Variants in ADGRG4 observed in about 807,000 individuals in gnomAD.
The protein encoded by ADGRG4 is G protein-coupled receptor 112.
In ADGRG4, 122 loss-of-function variants were observed where a neutral mutation model predicts 126.2. The observed-to-expected ratio is 0.97, with a 90% CI of 0.83 to 1.12. The LOEUF (loss-of-function observed/expected upper bound fraction) is 1.12, where lower values mean the gene tolerates loss of function less well. Ranked by LOEUF, ADGRG4 falls within the 50% of genes most tolerant of loss-of-function variation. The pLI is 0.00. For missense variants in ADGRG4, 2,481 were observed against 2,251.8 expected, an observed-to-expected ratio of 1.10 and a Z score of -2.06; for synonymous variants, 943 against 838.7, an observed-to-expected ratio of 1.12 and a Z score of -2.15.
Position 136,393,598 on chromosome X carries a change from C to T in ADGRG4, c.8080+18C>T, listed in dbSNP as rs2075331212. The stretch of plus-strand genomic sequence containing the variant: ...GAATAATAGTAAGTATTTTTGTTAG[C>T]AACTTTGACTTTGCCCCAGACCATT... On this transcript the variant is annotated intron_variant, in intron 18 of 25. Coordinates refer to ENST00000394143, the MANE Select transcript of ADGRG4 (RefSeq NM_153834.4). 8.6e-7 allele frequency: 1 copy of T among 1,166,696 alleles called. No homozygotes were observed. The highest frequency in any genetic ancestry group is 1.2e-6 in the Non-Finnish European group (1 of 857,954).
chrX:136,377,771 T>C (rs1261347622), intron 15 of ADGRG4, among the ~76,000 whole-genome samples: 1 of 111,262 alleles, frequency 9.0e-6, no homozygotes, highest in East Asian at 2.8e-4. Context: ...CCCCATTGGC[T>C]TGCTTTGGTA....
chrX:136,342,489 G>A (rs1040840212), intron 5 of ADGRG4, among the ~76,000 whole-genome samples: 4 of 111,430 alleles, frequency 3.6e-5, no homozygotes, highest in African/African-American at 9.8e-5. Context: ...CAATTATGAC[G>A]CATTAAATGA....
chrX:136,316,529 G>A (rs761499723), intron 4 of ADGRG4, among the ~76,000 whole-genome samples: 87 of 111,801 alleles, frequency 7.8e-4, no homozygotes, highest in Middle Eastern at 4.6e-3. Flanking sequence ...GTACAGTGGC[G>A]TGATCTTGGC....
At chrX:136,380,609 CT>C (rs1569332993) in intron 15 of ADGRG4, among the ~76,000 whole-genome samples, 55 of 62,086 alleles carry the variant, frequency 8.9e-4, no homozygotes, top group Admixed American at 2.9e-3. Flanking sequence ...TCCTCCTCTT[CT>C]TCTTCTTCTT....
intron 15 of ADGRG4, among the ~76,000 whole-genome samples, chrX:136,375,745 C>G (rs2075221705): frequency 9.0e-6 from 1 of 111,680 alleles, no homozygotes; most frequent in South Asian, 3.7e-4. Flanking sequence ...TTGATTTTTT[C>G]TTGCTGATTT....
At chrX:136,331,615 T>C (rs779119898) in intron 5 of ADGRG4, among the ~76,000 whole-genome samples, 1 of 111,769 alleles carries the variant, frequency 8.9e-6, no homozygotes, top group Admixed American at 9.5e-5. Flanking sequence ...TAGTCATTCT[T>C]GTAAATTTGT....
In ADGRG4 at chrX:136,344,745, T is replaced by C. The variant is rs1307635306; in HGVS notation, c.1039T>C (p.Ser347Pro). 8.3e-7 allele frequency: 1 copy of C among 1,208,447 alleles called. No individual in the cohort carries two copies. Among genetic ancestry groups the C allele is most frequent in the African/African-American group, 1.8e-5 (1 of 57,124 alleles). Residue 347 changes from serine (S) to proline (P), a missense_variant, in exon 6 of 26, where the codon TCT (serine) becomes CCT (proline). Physicochemically the swap from Ser to Pro is moderately conservative, Grantham distance 74. Transcript: ENST00000394143. ...TNSMKKTKSPSSESTKTTKMV... is the reference protein window; with the variant it reads ...TNSMKKTKSPPSESTKTTKMV... Reference sequence around the variant, plus strand: ...TTCCATGAAAAAAACGAAATCTCCATCTTCAGAAAGCACAAAGACAACAAA... The same window carrying C: ...TTCCATGAAAAAAACGAAATCTCCACCTTCAGAAAGCACAAAGACAACAAA...
At chrX:136,401,470 C>A (rs1460086913) in intron 21 of ADGRG4, among the ~76,000 whole-genome samples, 8 of 111,535 alleles carry the variant, frequency 7.2e-5, no homozygotes, top group Non-Finnish European at 1.1e-4. Flanking sequence ...ATACACATTT[C>A]TTGGGTTACA....
At chrX:136,336,427 G>A (rs2074948528) in intron 5 of ADGRG4, among the ~76,000 whole-genome samples, 1 of 111,620 alleles carries the variant, frequency 9.0e-6, no homozygotes, top group South Asian at 3.7e-4. Context: ...TTTATCACTT[G>A]TTGAGACAGG....
Position 136,349,042 on chromosome X carries a change from G to T in ADGRG4, c.5336G>T (p.Gly1779Val), listed in dbSNP as rs770606379. 8.3e-7 allele frequency: 1 copy of T among 1,205,484 alleles called. No homozygotes were observed. The highest frequency in any genetic ancestry group is 1.1e-6 in the Non-Finnish European group (1 of 891,533). The change falls in exon 6 of 26, where the codon GGA (glycine) becomes GTA (valine). Residue 1779 changes from glycine (G) to valine (V), a missense_variant. Transcript: ENST00000394143. ...PSLTSFKSASGPTKNVKTTTN... is the reference protein window; with the variant it reads ...PSLTSFKSASVPTKNVKTTTN... ...CTGACTAGCTTTAAGAGTGCTTCTG[G>T]ACCCACAAAAAATGTTAAAACAACC...
chrX:136,350,594 CA>C (rs1378883424), intron 6 of ADGRG4, among the ~76,000 whole-genome samples, 161 bp downstream of exon 6: 1 of 111,953 alleles, frequency 8.9e-6, no homozygotes, highest in Non-Finnish European at 1.9e-5. Flanking sequence ...GTACCTTGTC[CA>C]AATACAAAAT....
At chrX:136,387,915 G>A (rs368140229) in intron 16 of ADGRG4, 41 bp downstream of exon 16, 20 of 1,119,565 alleles carry the variant, frequency 1.8e-5, no homozygotes, top group Non-Finnish European at 1.8e-5. Context: ...ACTGGCATAT[G>A]GTGACTCATT....
chrX:136,354,508 G>A (rs1037929496), intron 8 of ADGRG4, among the ~76,000 whole-genome samples: 2 of 111,129 alleles, frequency 1.8e-5, no homozygotes, highest in East Asian at 2.8e-4. Context: ...AGACTTCTAC[G>A]ACCAAACGTG....
intron 5 of ADGRG4, among the ~76,000 whole-genome samples, chrX:136,334,346 C>G (rs1383078302): frequency 9.0e-6 from 1 of 111,408 alleles, no homozygotes; most frequent in Non-Finnish European, 1.9e-5. Context: ...ATTTTGATTG[C>G]TGTAACTTTA....
At chrX:136,362,657 A>G (rs1463887001) in intron 12 of ADGRG4, among the ~76,000 whole-genome samples, 2 of 111,056 alleles carry the variant, frequency 1.8e-5, no homozygotes, top group Non-Finnish European at 3.8e-5. Context: ...TCTGGGCTCA[A>G]TGGACGCTTC....
Position 136,373,039 on chromosome X carries a change from C to T in ADGRG4, c.7751C>T (p.Ser2584Phe). The T allele has an allele frequency of 2.5e-6, 3 of 1,208,669 alleles. No homozygotes were observed. In the South Asian group the frequency reaches 5.3e-5, roughly 21 times the overall value. ...GATGGCATGGCTTTCAGCATTCACTCCTATGAAGAAGGCACAGACCCTGAG... is the reference window on the plus strand; with the variant it reads ...GATGGCATGGCTTTCAGCATTCACTTCTATGAAGAAGGCACAGACCCTGAG... The part of the protein sequence containing the change: ...TFDGMAFSIH[S>F]YEEGTDPEIF... The change falls in exon 15 of 26, where the codon TCC becomes TTC. Residue 2584 changes from serine to phenylalanine, a missense_variant. Ser to Phe is a radical substitution (Grantham distance 155). Transcript: ENST00000394143.
chrX:136,386,977 C>T (rs971469511), intron 15 of ADGRG4, among the ~76,000 whole-genome samples: 1 of 111,675 alleles, frequency 9.0e-6, no homozygotes, highest in East Asian at 2.8e-4. Context: ...ATCAAGGGGC[C>T]GCCTGCGGTG....
intron 10 of ADGRG4, 103 bp from the exon 11 acceptor site, chrX:136,359,189 G>A (rs1243032808): frequency 1.6e-6 from 1 of 627,510 alleles, no homozygotes; most frequent in Non-Finnish European, 2.4e-6. Context: ...TGACATTTAT[G>A]AACTACCAAT....
chrX:136,315,119 G>C (rs1346172281), intron 4 of ADGRG4, among the ~76,000 whole-genome samples: 1 of 110,295 alleles, frequency 9.1e-6, no homozygotes, highest in East Asian at 2.8e-4. Flanking sequence ...ATATCTGGTA[G>C]GCCTGGTTTA....
Sources: allele counts gnomAD v4.1 joint callset (sites outside exome capture counted in the v4.1 genomes callset), GRCh38; gene constraint gnomAD v4.1.1; transcripts MANE v1.5; gene names NCBI Gene and HGNC (gene_info 2026-07-23, HGNC 2026-07-21).